The following PCDHGA9 variants were observed in gnomAD, a reference collection of about 807,000 sequenced individuals.
PCDHGA9 encodes protocadherin gamma-A9.
Under a neutral mutation model 62.5 loss-of-function variants are expected in PCDHGA9, and 37 were observed. The observed-to-expected ratio is 0.59, with a 90% CI of 0.46 to 0.78. The LOEUF is 0.78. PCDHGA9 is among the 30% of genes least tolerant of loss of function. The probability of loss-of-function intolerance (pLI) is 0.00; values close to 1 mark genes in which losing one functional copy is unlikely to be tolerated. For missense variants in PCDHGA9, 1,138 were observed against 1,166.2 expected (o/e 0.98, Z 0.35); for synonymous variants, 459 against 484.6 (o/e 0.95, Z 0.69).
Position 141,491,188 on chromosome 5 carries a change from G to A in PCDHGA9, c.2425-3619G>A. On this transcript the variant is annotated intron_variant, in intron 1 of 3. Transcript: ENST00000573521. This position sits in a 1 kb window ranked among gnomAD's most constrained non-coding sequence, Gnocchi z 6.9. Reference sequence around the variant, plus strand: ...CCAGCAGGTGGTGGTCCTGGTGAGGGACAATGGTGACCCTTCACTCTCCTC... The same window carrying A: ...CCAGCAGGTGGTGGTCCTGGTGAGGAACAATGGTGACCCTTCACTCTCCTC... The A allele has an allele frequency of 6.2e-7, 1 of 1,614,198 alleles. No individual in the cohort carries two copies. The highest frequency in any genetic ancestry group is 1.1e-5 in the South Asian group (1 of 91,086).
intron 1 of PCDHGA9, among the ~76,000 whole-genome samples, chr5:141,471,035 G>A (rs2099247157): frequency 7.1e-6 from 1 of 141,386 alleles, no homozygotes; most frequent in Admixed American, 7.1e-5. Flanking sequence ...TTATTAACAA[G>A]CCCAAGCCCT....
intron 1 of PCDHGA9, chr5:141,410,847 G>GTTTTTT (rs773839667): frequency 6.3e-5 from 10 of 158,328 alleles, no homozygotes; most frequent in Admixed American, 1.8e-4. Flanking sequence ...TTTTGTCTTT[G>GTTTTTT]TCTTTTTTTT....
chr5:141,482,591 A>G lies in PCDHGA9; in HGVS notation c.2425-12216A>G, dbSNP rs115650612. Among the ~76,000 whole-genome samples the G allele has an allele frequency of 6.3e-4, 95 of 151,838 alleles. 1 individual carries two copies. The highest frequency in any genetic ancestry group is 2.3e-3 in the African/African-American group (95 of 41,350). On this transcript the variant is annotated intron_variant, in intron 1 of 3. Coordinates refer to ENST00000573521, the MANE Select transcript of PCDHGA9 (RefSeq NM_018921.3). ...ATAGCATAAGATGCAGTGGGACCAA[A>G]CGGGAAAAAACACCTAAATGAGCCT...
At chr5:141,503,517 T>C (rs6878542) in intron 2 of PCDHGA9, among the ~76,000 whole-genome samples, 77,350 of 150,132 alleles carry the variant, frequency 0.52, 20,504 homozygotes, top group African/African-American at 0.63. Flanking sequence ...GAGAATCACT[T>C]GAACCTGGGA....
In PCDHGA9 at chr5:141,404,371, C is replaced by G. The variant is rs374054833; in HGVS notation, c.1419C>G (p.Ser473=). 25 of 1,613,774 alleles carry G rather than the reference C, an allele frequency of 1.5e-5. No homozygotes were observed. Among genetic ancestry groups the G allele is most frequent in the Non-Finnish European group, 2.0e-5 (24 of 1,179,882 alleles). Residue 473 remains serine (S), a synonymous_variant, in exon 1 of 4, where the codon TCC becomes TCG. Coordinates refer to ENST00000573521, the MANE Select transcript of PCDHGA9 (RefSeq NM_018921.3). ...ACGCCAGAGGTACTTCCATCTTCTC[C>G]GTGATTGCCTATGACCCTGATAGCA... The part of the protein sequence containing the change: ...ENNARGTSIF[S]VIAYDPDSNE...
intron 1 of PCDHGA9, among the ~76,000 whole-genome samples, chr5:141,469,212 G>A (rs114294512): frequency 0.021 from 3,174 of 151,360 alleles, 54 homozygotes; most frequent in Non-Finnish European, 0.032. Flanking sequence ...TTGAAGTTGA[G>A]GCTTCAGTGA....
rs753581561 is a variant in PCDHGA9, at chr5:141,485,195, T to G, written c.2425-9612T>G. 2.2e-5 allele frequency: 36 copies of G among 1,613,912 alleles called. No homozygotes were observed. Among genetic ancestry groups the G allele is most frequent in the Non-Finnish European group, 1.4e-5 (16 of 1,179,906 alleles). ...AGCAATGCTCCGCAAGGTGAGAAGC[T>G]GGACAGAAATCTGGCGGTGGGCTAC... is the stretch of plus-strand genomic sequence containing the variant. On this transcript the variant is annotated intron_variant, in intron 1 of 3. Transcript: ENST00000573521. The surrounding 1 kb of genome is among the most constrained non-coding windows in gnomAD (Gnocchi z 5.7).
intron 1 of PCDHGA9, chr5:141,415,605 G>T: frequency 1.2e-6 from 2 of 1,613,122 alleles, no homozygotes; most frequent in Non-Finnish European, 1.7e-6. Flanking sequence ...ATACCCCATT[G>T]GTTCCAGTGA....
chr5:141,471,717 C>T (rs1196344901), intron 1 of PCDHGA9, among the ~76,000 whole-genome samples: 1 of 152,022 alleles, frequency 6.6e-6, no homozygotes, highest in Non-Finnish European at 1.5e-5. Flanking sequence ...GTGCCACTTA[C>T]CAGGTAAGGA....
At chr5:141,407,738 A>G (rs928743977) in intron 1 of PCDHGA9, among the ~76,000 whole-genome samples, 3 of 152,046 alleles carry the variant, frequency 2.0e-5, no homozygotes, top group Admixed American at 2.0e-4. Context: ...CACTATATAT[A>G]CTCCCTACTG....
At chr5:141,470,736 C>A (rs541510544) in intron 1 of PCDHGA9, among the ~76,000 whole-genome samples, 1 of 152,092 alleles carries the variant, frequency 6.6e-6, no homozygotes, top group Non-Finnish European at 1.5e-5. Context: ...CTTGCTCTGT[C>A]GCCCTGGCTG....
intron 1 of PCDHGA9, chr5:141,427,310 C>A (rs989300491): frequency 2.2e-5 from 10 of 456,738 alleles, no homozygotes; most frequent in African/African-American, 1.8e-4. Flanking sequence ...ATGACAATGC[C>A]CCAGACGTGG....
intron 1 of PCDHGA9, chr5:141,415,228 C>A: frequency 1.2e-6 from 2 of 1,614,168 alleles, no homozygotes; most frequent in South Asian, 2.2e-5. Flanking sequence ...CTTCGAGTCT[C>A]CAGCTAACTC....
chr5:141,441,918 C>A (rs1183933153), intron 1 of PCDHGA9: 8 of 351,246 alleles, frequency 2.3e-5, no homozygotes, highest in African/African-American at 1.1e-4. Flanking sequence ...ATGTGAGACA[C>A]AATGCGTGGC....
chr5:141,465,519 T>C (rs2099104752), intron 1 of PCDHGA9, among the ~76,000 whole-genome samples: 1 of 152,224 alleles, frequency 6.6e-6, no homozygotes, highest in East Asian at 1.9e-4. Context: ...GGAAGGATTC[T>C]GGGGAAGTTT....
intron 1 of PCDHGA9, chr5:141,419,095 G>A (rs1478382101): frequency 1.2e-6 from 2 of 1,613,816 alleles, no homozygotes; most frequent in African/African-American, 2.7e-5. Context: ...CCCTGGATCG[G>A]GAGCAGACCC....
At chr5:141,414,394 A>G in intron 1 of PCDHGA9, 1 of 1,613,930 alleles carries the variant, frequency 6.2e-7, no homozygotes, top group Non-Finnish European at 8.5e-7. Flanking sequence ...CAGTTATTAC[A>G]GATTGGTGAT....
Position 141,476,383 on chromosome 5 carries a change from C to T in PCDHGA9, c.2425-18424C>T, listed in dbSNP as rs547854431. The T allele has an allele frequency of 6.2e-7, 1 of 1,613,984 alleles. No homozygotes were observed. The highest frequency in any genetic ancestry group is 8.5e-7 in the Non-Finnish European group (1 of 1,180,044). On this transcript the variant is annotated intron_variant, in intron 1 of 3. Coordinates refer to ENST00000573521, the MANE Select transcript of PCDHGA9 (RefSeq NM_018921.3). This position sits in a 1 kb window ranked among gnomAD's most constrained non-coding sequence, Gnocchi z 7.6. ...GGGAGACCGGAGAGATGTTTGTGAA[C>T]GACCGTCTGGATCGAGAGGAGCTGT...
chr5:141,476,714 C>T lies in PCDHGA9; in HGVS notation c.2425-18093C>T, dbSNP rs146188020. On this transcript the variant is annotated intron_variant, in intron 1 of 3. Transcript: ENST00000573521. The surrounding 1 kb of genome is among the most constrained non-coding windows in gnomAD (Gnocchi z 7.6). ...CAAGTACGCGGAGCTGGTGTTGGAG[C>T]GCGCCCTGGACCGAGAACGGGAGCC... The T allele has an allele frequency of 6.2e-7, 1 of 1,614,154 alleles. No individual in the cohort carries two copies. The highest frequency in any genetic ancestry group is 8.5e-7 in the Non-Finnish European group (1 of 1,180,032).
Sources: gnomAD v4.1 joint callset for allele counts (sites outside exome capture counted in the v4.1 genomes callset) on GRCh38, gnomAD v4.1.1 for gene constraint, Gnocchi (gnomAD v3.1) non-coding constraint, MANE v1.5 for transcripts, NCBI Gene and HGNC (gene_info 2026-07-23, HGNC 2026-07-21) for gene names.